WIPF2: variants seen among roughly 807,000 people sequenced by gnomAD.
WIPF2 encodes WAS/WASL-interacting protein family member 2.
Under a neutral mutation model 38.8 loss-of-function variants are expected in WIPF2, and 23 were observed. The observed-to-expected ratio is 0.59, with a 90% CI of 0.43 to 0.84. WIPF2 has a LOEUF of 0.84. Among genes scored for constraint, WIPF2 ranks in the 40% least tolerant of loss-of-function variants. The probability of loss-of-function intolerance (pLI) is 0.00; values close to 1 mark genes in which losing one functional copy is unlikely to be tolerated. For synonymous variants in WIPF2, 210 were observed against 223.2 expected, an observed-to-expected ratio of 0.94 and a Z score of 0.53; for missense variants, 574 against 580.5, an observed-to-expected ratio of 0.99 and a Z score of 0.11.
At chr17:40,255,287 G>A (rs1360418091) in intron 1 of WIPF2, among the ~76,000 whole-genome samples, 2 of 152,000 alleles carry the variant, frequency 1.3e-5, no homozygotes, top group East Asian at 1.9e-4. Context: ...CCAGGAGTTG[G>A]AGACAAGCCT....
At chr17:40,238,967 T>C (rs2145313095) in intron 1 of WIPF2, among the ~76,000 whole-genome samples, 1 of 152,192 alleles carries the variant, frequency 6.6e-6, no homozygotes, top group South Asian at 2.1e-4. Context: ...TTCAAACTCC[T>C]GGGCTTAAGT....
chr17:40,271,660 T>C (rs570707811), intron 5 of WIPF2, among the ~76,000 whole-genome samples: 3 of 152,310 alleles, frequency 2.0e-5, no homozygotes, highest in African/African-American at 7.2e-5. Context: ...GCCTTGCCTA[T>C]TTTTATTTGA....
Position 40,264,874 on chromosome 17 carries a change from C to T in WIPF2, c.698C>T (p.Pro233Leu). ...CCTGCTCCACCCCCAGTCAAACCAC[C>T]TCCTTCCCCTGTGAATATCAGAACA... ...GPPAPPPVKPPPSPVNIRTGP... is the reference protein window; with the variant it reads ...GPPAPPPVKPLPSPVNIRTGP... The change falls in exon 5 of 8, where the codon CCT (proline) becomes CTT (leucine). Residue 233 changes from proline to leucine, a missense_variant. Pro to Leu is a moderately conservative substitution (Grantham distance 98, BLOSUM62 -3). Coordinates refer to ENST00000323571, the MANE Select transcript of WIPF2 (RefSeq NM_133264.5). 1 of 1,614,214 alleles carries T rather than the reference C, an allele frequency of 6.2e-7. No individual in the cohort carries two copies. The highest frequency in any genetic ancestry group is 8.5e-7 in the Non-Finnish European group (1 of 1,180,044).
rs184833938 is a variant in WIPF2 at position 40,242,979 on chromosome 17, G to A, written c.-69-13412G>A. 3.9e-3 allele frequency among the ~76,000 whole-genome samples: 589 copies of A among 152,222 alleles called. 1 individual carries two copies. Among genetic ancestry groups the A allele is most frequent in the South Asian group, 8.9e-3 (43 of 4,820 alleles). On this transcript the variant is annotated intron_variant, in intron 1 of 7. Transcript: ENST00000323571. ...GATTTTCAGATATTTAATTTACATG[G>A]CTTTTGCATTAGTTATTCCTAGTCT...
intron 2 of WIPF2, among the ~76,000 whole-genome samples, chr17:40,258,013 C>G (rs568382172): frequency 1.5e-4 from 23 of 152,250 alleles, no homozygotes; most frequent in African/African-American, 5.5e-4. Flanking sequence ...TTTTCATAAC[C>G]TGTAGTTTTT....
rs930602459 is a variant in WIPF2 at position 40,219,394 on chromosome 17, G to GCGGCGGCGGCGA, written c.-163_-162insGCGGCGACGGCG. 1.0e-4 allele frequency: 42 copies of GCGGCGGCGGCGA among 416,580 alleles called. 1 individual carries two copies. The highest frequency in any genetic ancestry group is 2.5e-4 in the African/African-American group (11 of 44,402). The allele number at this position is 416,580 out of a possible 1,614,324, so 25.8% of individuals were successfully genotyped here. On this transcript the variant is annotated 5_prime_UTR_variant, in exon 1 of 8. Coordinates refer to ENST00000323571, the MANE Select transcript of WIPF2 (RefSeq NM_133264.5). ...GGCGGCGGCGGCGGCGGCGGCGGCG[G>GCGGCGGCGGCGA]CGGCGACGGCGAGAAAGAGCTTGCC... is the stretch of plus-strand genomic sequence containing the variant.
intron 1 of WIPF2, among the ~76,000 whole-genome samples, chr17:40,227,858 CAAA>C (rs771867020): frequency 6.7e-6 from 1 of 148,250 alleles, no homozygotes; most frequent in African/African-American, 2.5e-5. Flanking sequence ...CAAAACAAAA[CAAA>C]AAACAAAAAA....
rs938594777 is a variant in WIPF2 at position 40,264,495 on chromosome 17, C to T, written c.319C>T (p.Leu107=). Residue 107 remains leucine, a synonymous_variant, in exon 5 of 8, where the codon CTA becomes TTA. Transcript: ENST00000323571. ...TGTTGTCTATGTATTTGTAGAGAACCTAGCTGGTAAGCCAGCCCTGCAAAT... is the reference window on the plus strand; with the variant it reads ...TGTTGTCTATGTATTTGTAGAGAACTTAGCTGGTAAGCCAGCCCTGCAAAT... ...PVGAKDGSEN[L]AGKPALQIPS... is the part of the protein sequence containing the mutation. 2.5e-6 allele frequency: 4 copies of T among 1,614,050 alleles called. No homozygotes were observed. The highest frequency in any genetic ancestry group is 3.4e-6 in the Non-Finnish European group (4 of 1,179,986).
chr17:40,264,650 CCT>C lies in WIPF2; in HGVS notation c.480_481del (p.Arg161AlafsTer2), dbSNP rs2032021019. 6.2e-7 allele frequency: 1 copy of C among 1,613,590 alleles called. No individual in the cohort carries two copies. Among genetic ancestry groups the C allele is most frequent in the Non-Finnish European group, 8.5e-7 (1 of 1,179,660 alleles). ...PRMQRPSLPD[L>X]SRPNTTSSTG... The stretch of plus-strand genomic sequence containing the variant: ...GGATGCAGAGACCCTCTTTACCGGA[CCT>C]CTCTCGGCCTAATACCACCAGCAGT... On this transcript the variant is annotated frameshift_variant, in exon 5 of 8. Transcript: ENST00000323571. LOFTEE classifies it high-confidence loss of function.
chr17:40,246,454 A>T (rs2145334283), intron 1 of WIPF2, among the ~76,000 whole-genome samples: 1 of 141,096 alleles, frequency 7.1e-6, no homozygotes, highest in East Asian at 2.1e-4. Context: ...GCTGGAGTGC[A>T]ATGGCACAGT....
intron 1 of WIPF2, among the ~76,000 whole-genome samples, chr17:40,224,219 T>A (rs2145269642): frequency 6.8e-6 from 1 of 146,794 alleles, no homozygotes; most frequent in African/African-American, 2.5e-5. Context: ...TATTTTTTTT[T>A]TCTTTTCTTT....
intron 5 of WIPF2, among the ~76,000 whole-genome samples, chr17:40,269,525 C>A (rs1459135637): frequency 6.6e-6 from 1 of 150,422 alleles, no homozygotes; most frequent in African/African-American, 2.4e-5. Flanking sequence ...CCCGCCCCCC[C>A]AAAACCCAAA....
chr17:40,240,031 G>A (rs1338124305), intron 1 of WIPF2, among the ~76,000 whole-genome samples: 1 of 151,498 alleles, frequency 6.6e-6, no homozygotes, highest in Admixed American at 6.6e-5. Flanking sequence ...GGCAGCATGG[G>A]GAGGGATGGA....
intron 5 of WIPF2, among the ~76,000 whole-genome samples, chr17:40,268,791 C>G (rs774895822): frequency 2.6e-5 from 4 of 152,112 alleles, no homozygotes; most frequent in East Asian, 1.9e-4. Flanking sequence ...AGTCAGAGAT[C>G]ATTTGAGTAT....
In WIPF2 at chr17:40,265,113, C is replaced by T. The variant is rs1418992029; in HGVS notation, c.937C>T (p.Pro313Ser). The T allele has an allele frequency of 1.2e-6, 2 of 1,612,718 alleles. No individual in the cohort carries two copies. Among genetic ancestry groups the T allele is most frequent in the Admixed American group, 1.7e-5 (1 of 59,934 alleles). The change falls in exon 5 of 8, where the codon CCC becomes TCC. Residue 313 changes from proline to serine, a missense_variant. Coordinates refer to ENST00000323571, the MANE Select transcript of WIPF2 (RefSeq NM_133264.5). ...SPSLLSNRPP[P>S]PARDPPSRGA... is the part of the protein sequence containing the mutation. ...ATCTTTACTGAGTAATAGGCCACCT[C>T]CCCCAGCCCGAGACCCTCCCAGTCG...
At chr17:40,220,604 TATATATATATATATGTATATATATA>T (rs2030172816) in intron 1 of WIPF2, 5 of 121,058 alleles carry the variant, frequency 4.1e-5, no homozygotes, top group Admixed American at 8.7e-5. Context: ...TATATATATA[TATATATATATATATGTATATATATA>T]TATTTTTTTG....
intron 1 of WIPF2, among the ~76,000 whole-genome samples, chr17:40,236,648 G>T (rs1183984524): frequency 7.0e-5 from 10 of 142,432 alleles, no homozygotes; most frequent in African/African-American, 2.6e-4. Flanking sequence ...TCACTCTGTC[G>T]CCCAGGCAGG....
At position 40,270,576 on chromosome 17, in the gene WIPF2, C is replaced by T. The variant is rs77586309; in HGVS notation, c.971-3214C>T. 7.4e-4 allele frequency among the ~76,000 whole-genome samples: 113 copies of T among 152,174 alleles called. 1 individual carries two copies. The East Asian group carries it at 0.019, about 26-fold the overall frequency. On this transcript the variant is annotated intron_variant, in intron 5 of 7. Coordinates refer to ENST00000323571, the MANE Select transcript of WIPF2 (RefSeq NM_133264.5). ...TCGGTGTCCTTGTGAACCTGGCTAA[C>T]CCTGTTTACCTTGCTGCCCTGGCCT...
chr17:40,231,175 C>T (rs1375275000), intron 1 of WIPF2, among the ~76,000 whole-genome samples: 1 of 152,180 alleles, frequency 6.6e-6, no homozygotes, highest in African/African-American at 2.4e-5. Flanking sequence ...TTTCTGATGG[C>T]TTAAGGGTAT....
Sources: allele counts gnomAD v4.1 joint callset (sites outside exome capture counted in the v4.1 genomes callset), GRCh38; gene constraint gnomAD v4.1.1; transcripts MANE v1.5; gene names NCBI Gene and HGNC (gene_info 2026-07-23, HGNC 2026-07-21).